The following JAM2 variants were observed in gnomAD, a reference collection of about 807,000 sequenced individuals.
JAM2 encodes junctional adhesion molecule 2.
Under a neutral mutation model 42.0 loss-of-function variants are expected in JAM2, and 17 were observed. The observed-to-expected ratio is 0.40, with a 90% confidence interval of 0.28 to 0.61. The LOEUF (loss-of-function observed/expected upper bound fraction) is 0.61. Among genes scored for constraint, JAM2 ranks in the 20% least tolerant of loss-of-function variants. JAM2 has a pLI of 0.37. For missense variants in JAM2, 319 were observed against 358.3 expected, an observed-to-expected ratio of 0.89 and a Z score of 0.89; for synonymous variants, 118 against 128.6, an observed-to-expected ratio of 0.92 and a Z score of 0.56.
At chr21:25,692,803 G>A (rs1178840268) in intron 3 of JAM2, among the ~76,000 whole-genome samples, 3 of 152,018 alleles carry the variant, frequency 2.0e-5, no homozygotes, top group South Asian at 2.1e-4. Context: ...TTTGCCTTAC[G>A]TTTGTTTAGC....
chr21:25,700,619 A>G (rs2034146211), intron 5 of JAM2, among the ~76,000 whole-genome samples: 1 of 152,122 alleles, frequency 6.6e-6, no homozygotes, highest in African/African-American at 2.4e-5. Flanking sequence ...CTGGGCCTCC[A>G]AAAGTGCTGG....
intron 1 of JAM2, among the ~76,000 whole-genome samples, chr21:25,675,456 A>G (rs1173884558): frequency 6.6e-6 from 1 of 151,854 alleles, no homozygotes; most frequent in Non-Finnish European, 1.5e-5. Flanking sequence ...AGATGGCGCC[A>G]TTGCACTCTA....
At chr21:25,692,956 G>C (rs934314988) in intron 3 of JAM2, among the ~76,000 whole-genome samples, 7 of 152,172 alleles carry the variant, frequency 4.6e-5, no homozygotes. Context: ...CAACTAATTA[G>C]AAAATATGTA....
chr21:25,643,554 G>A (rs974969287), intron 1 of JAM2: 34 of 152,176 alleles, frequency 2.2e-4, no homozygotes, highest in African/African-American at 8.2e-4. Flanking sequence ...CAGGGAACCG[G>A]TACTAGGAAA....
intron 1 of JAM2, among the ~76,000 whole-genome samples, chr21:25,672,098 T>C (rs2033375614): frequency 6.6e-6 from 1 of 152,046 alleles, no homozygotes; most frequent in Non-Finnish European, 1.5e-5. Context: ...TTTAAGCAGC[T>C]ATTTTTCTTT....
chr21:25,711,630 C>A (rs1202330534), intron 8 of JAM2: 1 of 308,992 alleles, frequency 3.2e-6, no homozygotes, highest in African/African-American at 2.2e-5. Flanking sequence ...AGTAATAAAG[C>A]CAGTGAGTTC....
At chr21:25,705,429 A>G (rs1475844) in intron 6 of JAM2, among the ~76,000 whole-genome samples, 14,425 of 151,910 alleles carry the variant, frequency 0.095, 848 homozygotes, top group East Asian at 0.3. Context: ...TTAGAGATGG[A>G]TTCTTGCTAT....
At chr21:25,658,099 G>A (rs1055306110) in intron 1 of JAM2, among the ~76,000 whole-genome samples, 5 of 152,126 alleles carry the variant, frequency 3.3e-5, no homozygotes, top group Non-Finnish European at 5.9e-5. Flanking sequence ...GGGAAGAAAG[G>A]GTAACTGTAA....
At chr21:25,663,756 C>A (rs2033149361) in intron 1 of JAM2, among the ~76,000 whole-genome samples, 1 of 152,154 alleles carries the variant, frequency 6.6e-6, no homozygotes, top group Admixed American at 6.5e-5. Flanking sequence ...CTACCTTGGA[C>A]TTCTCAGCCT....
At chr21:25,683,826 C>T (rs1039239855) in intron 1 of JAM2, 57 bp from the exon 2 acceptor site, 11 of 1,266,788 alleles carry the variant, frequency 8.7e-6, no homozygotes, top group East Asian at 7.2e-5. Context: ...CCCATTCAGA[C>T]ATTTGAAAAT....
At chr21:25,660,324 GT>G (rs1474916903) in intron 1 of JAM2, among the ~76,000 whole-genome samples, 2 of 152,174 alleles carry the variant, frequency 1.3e-5, no homozygotes, top group Non-Finnish European at 2.9e-5. Flanking sequence ...TACGTTAGCT[GT>G]ATAAGACAAA....
At chr21:25,700,422 G>A (rs529734069) in intron 5 of JAM2, among the ~76,000 whole-genome samples, 8 of 152,158 alleles carry the variant, frequency 5.3e-5, no homozygotes, top group African/African-American at 7.2e-5. Context: ...GTGCATTGAC[G>A]CAGTCTTGGC....
rs1192095120 is a variant in JAM2 at position 25,714,936 on chromosome 21, A to C, written c.*264A>C. 1 of 312,936 alleles carries C rather than the reference A, an allele frequency of 3.2e-6. No individual in the cohort carries two copies. Among genetic ancestry groups the C allele is most frequent in the Non-Finnish European group, 5.8e-6 (1 of 172,062 alleles). 19.4% of individuals were successfully genotyped at this position (312,936 alleles called of 1,614,324 possible). On this transcript the variant is annotated 3_prime_UTR_variant, in exon 10 of 10. Transcript: ENST00000480456. ...ACTTTGTAATGTCCTGGGCTTTGGGAAATGTTAACCACGTCCTAACTTCTA... is the reference window on the plus strand; with the variant it reads ...ACTTTGTAATGTCCTGGGCTTTGGGCAATGTTAACCACGTCCTAACTTCTA...
At chr21:25,641,323 G>A (rs773688077) in intron 1 of JAM2, among the ~76,000 whole-genome samples, 2 of 152,054 alleles carry the variant, frequency 1.3e-5, no homozygotes, top group African/African-American at 4.8e-5. Context: ...ACAGAAAATC[G>A]TTCTGCTGTG....
chr21:25,674,509 T>C (rs931724632), intron 1 of JAM2, among the ~76,000 whole-genome samples: 3 of 152,228 alleles, frequency 2.0e-5, no homozygotes, highest in Non-Finnish European at 4.4e-5. Flanking sequence ...AGTCATTTCT[T>C]ACTTAGAAGT....
intron 2 of JAM2, among the ~76,000 whole-genome samples, chr21:25,685,439 C>A (rs2033728685): frequency 7.0e-6 from 1 of 143,784 alleles, no homozygotes; most frequent in Admixed American, 7.4e-5. Context: ...GTGGATGGAT[C>A]ACTTGAGTGC....
At chr21:25,675,606 A>AGGAG (rs926244400) in intron 1 of JAM2, among the ~76,000 whole-genome samples, 3 of 126,750 alleles carry the variant, frequency 2.4e-5, no homozygotes, top group South Asian at 3.0e-4. Context: ...GAAGGAAGGA[A>AGGAG]GGAGGGAGGG....
At chr21:25,655,222 A>C (rs1409119883) in intron 1 of JAM2, among the ~76,000 whole-genome samples, 1 of 151,764 alleles carries the variant, frequency 6.6e-6, no homozygotes, top group Non-Finnish European at 1.5e-5. Context: ...AATCTGGATG[A>C]TGACTATATG....
chr21:25,697,835 G>C (rs966216438), intron 4 of JAM2, among the ~76,000 whole-genome samples: 1 of 151,918 alleles, frequency 6.6e-6, no homozygotes, highest in African/African-American at 2.4e-5. Context: ...TTGAGCTCGG[G>C]AGGTTGAGGC....
Sources: gnomAD v4.1 joint callset for allele counts (sites outside exome capture counted in the v4.1 genomes callset) on GRCh38, gnomAD v4.1.1 for gene constraint, MANE v1.5 for transcripts, NCBI Gene and HGNC (gene_info 2026-07-23, HGNC 2026-07-21) for gene names.